WWP2: variants seen among roughly 807,000 people sequenced by gnomAD.
WWP2 encodes WW domain containing E3 ubiquitin protein ligase 2.
WWP2 carries 57 observed loss-of-function variants against 121.0 expected under a neutral mutation model. The ratio of observed to expected loss-of-function variants is 0.47; its 90% CI spans 0.38 to 0.59. The LOEUF is 0.59. WWP2 is among the 20% of genes least tolerant of loss of function. The probability of loss-of-function intolerance (pLI) is 0.00; values close to 1 mark genes in which losing one functional copy is unlikely to be tolerated. For missense variants in WWP2, 962 were observed against 1,158.9 expected, an observed-to-expected ratio of 0.83 and a Z score of 2.47; for synonymous variants, 449 against 441.3, an observed-to-expected ratio of 1.02 and a Z score of -0.22.
intron 2 of WWP2, among the ~76,000 whole-genome samples, chr16:69,797,456 G>T (rs1280893595): frequency 3.3e-5 from 5 of 152,108 alleles, no homozygotes; most frequent in Non-Finnish European, 5.9e-5. Flanking sequence ...GTTTTCTCCT[G>T]GGTAAAATGG....
Position 69,925,225 on chromosome 16 carries a change from T to C in WWP2, c.1180-205T>C. On this transcript the variant is annotated intron_variant, in intron 10 of 23. Coordinates refer to ENST00000359154, the MANE Select transcript of WWP2 (RefSeq NM_001270454.2). The surrounding 1 kb of genome is among the most constrained non-coding windows in gnomAD (Gnocchi z 4.0). ...CACTTGGGCCCTCCGTGCGCAGGGTTCTTTTTTGGTTTTTCTGTAAAAATC... is the reference window on the plus strand; with the variant it reads ...CACTTGGGCCCTCCGTGCGCAGGGTCCTTTTTTGGTTTTTCTGTAAAAATC... 1.4e-6 allele frequency: 2 copies of C among 1,437,420 alleles called. No homozygotes were observed. The highest frequency in any genetic ancestry group is 1.4e-5 in the African/African-American group (1 of 70,512). The allele number at this position is 1,437,420 out of a possible 1,614,324, so 89.0% of individuals were successfully genotyped here. A position where few individuals can be genotyped will look rare whatever the true frequency, so the allele number is the denominator to read the frequency against.
chr16:69,781,724 A>G (rs1292435704), intron 1 of WWP2, among the ~76,000 whole-genome samples: 2 of 152,128 alleles, frequency 1.3e-5, no homozygotes, highest in African/African-American at 2.4e-5. Context: ...TAAAGAGACT[A>G]GGTAATTTAT....
intron 4 of WWP2, among the ~76,000 whole-genome samples, chr16:69,829,923 T>C (rs2056764260): frequency 6.6e-6 from 1 of 151,276 alleles, no homozygotes; most frequent in Non-Finnish European, 1.5e-5. Flanking sequence ...CCTGAGTAGC[T>C]GGGACCATAG....
At chr16:69,804,414 G>A (rs1356614031) in intron 4 of WWP2, among the ~76,000 whole-genome samples, 2 of 151,848 alleles carry the variant, frequency 1.3e-5, no homozygotes, top group Non-Finnish European at 2.9e-5. Context: ...TCCCTAATAT[G>A]TAGCTGATTG....
At chr16:69,855,220 A>AC (rs1442615960) in intron 6 of WWP2, among the ~76,000 whole-genome samples, 7 of 152,210 alleles carry the variant, frequency 4.6e-5, no homozygotes, top group Non-Finnish European at 8.8e-5. Context: ...CTTCACATGT[A>AC]CTGGGTTTCA....
At chr16:69,785,684 T>C (rs1477145653) in intron 1 of WWP2, among the ~76,000 whole-genome samples, 1 of 151,452 alleles carries the variant, frequency 6.6e-6, no homozygotes, top group East Asian at 1.9e-4. Flanking sequence ...TGGAGTGCCA[T>C]GGCACAGTCT....
At chr16:69,912,615 G>C (rs987837752) in intron 9 of WWP2, among the ~76,000 whole-genome samples, 1 of 151,950 alleles carries the variant, frequency 6.6e-6, no homozygotes, top group East Asian at 1.9e-4. Flanking sequence ...GATAGTCTAA[G>C]AGAAAGAAAC....
chr16:69,876,526 G>C lies in WWP2; in HGVS notation c.703+4595G>C, dbSNP rs186639337. ...ATTACAGGCATCTGCTACCACATCCGGCTAATTTTTGTATTTTAGTAGAGA... is the reference window on the plus strand; with the variant it reads ...ATTACAGGCATCTGCTACCACATCCCGCTAATTTTTGTATTTTAGTAGAGA... On this transcript the variant is annotated intron_variant, in intron 7 of 23. Coordinates refer to ENST00000359154, the MANE Select transcript of WWP2 (RefSeq NM_001270454.2). 3.3e-5 allele frequency among the ~76,000 whole-genome samples: 5 copies of C among 151,916 alleles called. No individual in the cohort carries two copies. The East Asian group carries it at 9.7e-4, about 29-fold the overall frequency.
intron 4 of WWP2, among the ~76,000 whole-genome samples, chr16:69,830,677 C>T (rs1029326269): frequency 1.3e-5 from 2 of 152,108 alleles, no homozygotes; most frequent in Non-Finnish European, 1.5e-5. Flanking sequence ...CATTGGTGCC[C>T]CAACAGGAAT....
intron 1 of WWP2, among the ~76,000 whole-genome samples, chr16:69,763,277 C>T (rs1455129907): frequency 6.6e-6 from 1 of 152,138 alleles, no homozygotes; most frequent in Non-Finnish European, 1.5e-5. Context: ...GACTGCTTAT[C>T]TTGACGAACT....
chr16:69,829,268 C>G (rs1351987431), intron 4 of WWP2, among the ~76,000 whole-genome samples: 1 of 152,108 alleles, frequency 6.6e-6, no homozygotes, highest in Non-Finnish European at 1.5e-5. Flanking sequence ...CCTTCCTTTC[C>G]TCCGGCTTGT....
At chr16:69,908,662 CT>C (rs2058334931) in intron 8 of WWP2, 98 bp from the exon 9 acceptor site, 4 of 1,558,544 alleles carry the variant, frequency 2.6e-6, no homozygotes, top group Non-Finnish European at 3.5e-6. Context: ...TTGATGCTTC[CT>C]GTAAATTAGC....
Position 69,802,600 on chromosome 16 carries a change from TTTTG to T in WWP2, c.340+3309_340+3312del, listed in dbSNP as rs2056191779. On this transcript the variant is annotated intron_variant, in intron 4 of 23. Coordinates refer to ENST00000359154, the MANE Select transcript of WWP2 (RefSeq NM_001270454.2). ...CATGCGTCAGAAGATTTTTCTTTCC[TTTTG>T]TTTTTTTTTTTTTTGAGACAGGGTC... 4.9e-5 allele frequency among the ~76,000 whole-genome samples: 3 copies of T among 60,972 alleles called. No individual in the cohort carries two copies. In the Admixed American group the frequency reaches 8.6e-4, roughly 18 times the overall value. 40.0% of individuals were successfully genotyped at this position (60,972 alleles called of 152,430 possible).
chr16:69,770,108 T>C (rs1363020939), intron 1 of WWP2, among the ~76,000 whole-genome samples: 4 of 152,150 alleles, frequency 2.6e-5, no homozygotes, highest in Non-Finnish European at 5.9e-5. Context: ...GTGATCTGTC[T>C]GCCTTGGCCT....
At chr16:69,863,740 G>A (rs190698613) in intron 6 of WWP2, among the ~76,000 whole-genome samples, 41 of 152,256 alleles carry the variant, frequency 2.7e-4, no homozygotes, top group African/African-American at 7.5e-4. Flanking sequence ...CCTTGTACCC[G>A]TCGCTGCTGG....
rs538979685 is a variant in WWP2 at position 69,776,837 on chromosome 16, A to T, written c.-15-10159A>T. ...GAGCGAAATTCCATCTCGAAAAAAA[A>T]AAAATAAAAAAAATTATAATAAACT... is the stretch of plus-strand genomic sequence containing the variant. On this transcript the variant is annotated intron_variant, in intron 1 of 23. Transcript: ENST00000359154. 2.8e-4 allele frequency among the ~76,000 whole-genome samples: 42 copies of T among 152,006 alleles called. No homozygotes were observed. The East Asian group carries it at 3.9e-3, about 14-fold the overall frequency.
intron 2 of WWP2, among the ~76,000 whole-genome samples, chr16:69,795,661 T>TTC (rs1555546615): frequency 7.4e-6 from 1 of 134,932 alleles, no homozygotes; most frequent in Non-Finnish European, 1.6e-5. Flanking sequence ...TTTTTTTTTT[T>TTC]TTTTTTTTTT....
At chr16:69,821,853 C>T (rs192655576) in intron 4 of WWP2, among the ~76,000 whole-genome samples, 29 of 151,404 alleles carry the variant, frequency 1.9e-4, no homozygotes, top group South Asian at 4.2e-4. Flanking sequence ...CCACCATGCC[C>T]GGCTATTTTT....
chr16:69,798,910 G>C (rs2056105182), intron 3 of WWP2, 81 bp downstream of exon 3: 1 of 1,556,490 alleles, frequency 6.4e-7, no homozygotes, highest in Non-Finnish European at 8.7e-7. Context: ...GGGAGGTACA[G>C]ATTCCCTGTG....
Sources: allele counts gnomAD v4.1 joint callset (sites outside exome capture counted in the v4.1 genomes callset), GRCh38; gene constraint gnomAD v4.1.1; non-coding constraint Gnocchi (gnomAD v3.1); transcripts MANE v1.5; gene names NCBI Gene and HGNC (gene_info 2026-07-23, HGNC 2026-07-21).